The following CPVL variants were observed in gnomAD, a reference collection of about 807,000 sequenced individuals.
The protein encoded by CPVL is carboxypeptidase vitellogenic like, also known as probable serine carboxypeptidase CPVL.
A neutral mutation model predicts 63.7 loss-of-function variants in CPVL; 51 were observed. The ratio of observed to expected loss-of-function variants is 0.80; its 90% CI spans 0.64 to 1.01. The LOEUF is 1.01. Among genes scored for constraint, CPVL ranks in the 50% least tolerant of loss-of-function variants. CPVL has a pLI of 0.00. For missense variants in CPVL, 530 were observed against 573.1 expected (o/e 0.92, Z 0.77); for synonymous variants, 195 against 206.0 (o/e 0.95, Z 0.46).
intron 11 of CPVL, among the ~76,000 whole-genome samples, chr7:29,037,410 G>A (rs1788635552): frequency 6.6e-6 from 1 of 151,630 alleles, no homozygotes; most frequent in Admixed American, 6.6e-5. Flanking sequence ...AAAATTAGCC[G>A]GGCATGGTGG....
At chr7:29,189,053 C>A (rs981579493) in intron 1 of CPVL, among the ~76,000 whole-genome samples, 1 of 150,968 alleles carries the variant, frequency 6.6e-6, no homozygotes. Flanking sequence ...TGGGTTCAAG[C>A]AATTCTCCTG....
intron 11 of CPVL, among the ~76,000 whole-genome samples, chr7:29,051,600 A>T (rs1442045144): frequency 1.3e-5 from 2 of 152,138 alleles, no homozygotes; most frequent in African/African-American, 4.8e-5. Context: ...AAAACAGTAG[A>T]TGTTAGCGTG....
At chr7:29,057,735 T>C (rs563030730) in intron 11 of CPVL, among the ~76,000 whole-genome samples, 50 of 152,230 alleles carry the variant, frequency 3.3e-4, no homozygotes, top group Non-Finnish European at 5.9e-4. Context: ...TATCCATTTG[T>C]TCCTGCACCA....
At chr7:29,186,992 A>G (rs1429415187) in intron 1 of CPVL, among the ~76,000 whole-genome samples, 1 of 152,232 alleles carries the variant, frequency 6.6e-6, no homozygotes, top group Non-Finnish European at 1.5e-5. Flanking sequence ...AATGAGGATA[A>G]CAATTCTCAC....
At chr7:29,027,900 T>C (rs1428542004) in intron 12 of CPVL, among the ~76,000 whole-genome samples, 1 of 152,144 alleles carries the variant, frequency 6.6e-6, no homozygotes. Context: ...ATGATCATAC[T>C]GAATAAAGCA....
In CPVL at chr7:28,995,816, T is replaced by G. The variant is rs746123081; in HGVS notation, c.1387A>C (p.Asn463His). 3 of 1,608,490 alleles carry G rather than the reference T, an allele frequency of 1.9e-6. No homozygotes were observed. Among genetic ancestry groups the G allele is most frequent in the Non-Finnish European group, 2.5e-6 (3 of 1,178,334 alleles). The change falls in exon 13 of 13, where the codon AAT (asparagine) becomes CAT (histidine). Residue 463 changes from asparagine (N) to histidine (H), a missense_variant. Coordinates refer to ENST00000265394, the MANE Select transcript of CPVL (RefSeq NM_031311.5). ...DQPLRAFDMI[N>H]RFIYGKGWDP... is the part of the protein sequence containing the mutation. The stretch of plus-strand genomic sequence containing the variant: ...CATCCTTTTCCATAAATGAATCGAT[T>G]AATCATGTCAAAAGCTCTCAGAGGC...
chr7:29,084,165 T>G (rs1325596359), intron 7 of CPVL, among the ~76,000 whole-genome samples: 1 of 152,150 alleles, frequency 6.6e-6, no homozygotes, highest in East Asian at 1.9e-4. Context: ...CTCAATGGTT[T>G]CCCATTACCG....
At chr7:29,137,669 T>C (rs909651192) in intron 1 of CPVL, among the ~76,000 whole-genome samples, 2 of 152,170 alleles carry the variant, frequency 1.3e-5, no homozygotes, top group African/African-American at 2.4e-5. Flanking sequence ...AAGAAAATGA[T>C]TTGGGGTCTG....
At chr7:29,135,233 TGAA>T (rs1188200371) in intron 1 of CPVL, among the ~76,000 whole-genome samples, 4 of 151,808 alleles carry the variant, frequency 2.6e-5, no homozygotes, top group Admixed American at 2.0e-4. Flanking sequence ...AATGAAAAGA[TGAA>T]GAACACATTT....
At chr7:29,142,728 G>A (rs1792033817) in intron 1 of CPVL, among the ~76,000 whole-genome samples, 2 of 151,936 alleles carry the variant, frequency 1.3e-5, no homozygotes, top group Non-Finnish European at 2.9e-5. Context: ...GTTTCACCAT[G>A]TTGGCCAGGC....
Position 29,075,956 on chromosome 7 carries a change from G to GTTTTTTTTTTTT in CPVL, c.610-3545_610-3534dup, listed in dbSNP as rs1554335832. Among the ~76,000 whole-genome samples the GTTTTTTTTTTTT allele has an allele frequency of 1.1e-3, 119 of 110,292 alleles. 5 individuals are homozygous for GTTTTTTTTTTTT. Among genetic ancestry groups the GTTTTTTTTTTTT allele is most frequent in the Non-Finnish European group, 1.7e-3 (96 of 57,306 alleles). The allele number at this position is 110,292 out of a possible 152,430, so 72.4% of individuals were successfully genotyped here. A position where few individuals can be genotyped will look rare whatever the true frequency, so the allele number is the denominator to read the frequency against. On this transcript the variant is annotated intron_variant, in intron 7 of 12. Coordinates refer to ENST00000265394, the MANE Select transcript of CPVL (RefSeq NM_031311.5). ...TATTTTCACTCTCCTTGTTGAGATA[G>GTTTTTTTTTTTT]TTTTTTTTTTTTTGGCAAGATCAGA...
At chr7:29,145,370 A>G (rs1233221254) in intron 1 of CPVL, among the ~76,000 whole-genome samples, 1 of 152,000 alleles carries the variant, frequency 6.6e-6, no homozygotes, top group African/African-American at 2.4e-5. Context: ...GCTGTGGAAG[A>G]TAAGTTACGT....
chr7:29,064,259 C>T (rs1584145934), intron 10 of CPVL, 25 bp from the exon 11 acceptor site: 2 of 1,480,508 alleles, frequency 1.4e-6, no homozygotes, highest in Non-Finnish European at 9.4e-7. Context: ...ATTGGAAAGA[C>T]ATAGGGAACA....
At chr7:29,138,586 C>T (rs1006449073) in intron 1 of CPVL, among the ~76,000 whole-genome samples, 6 of 152,032 alleles carry the variant, frequency 3.9e-5, no homozygotes, top group Admixed American at 2.0e-4. Flanking sequence ...TGCCATTAAC[C>T]GAGAAAGAGA....
chr7:29,114,525 G>A (rs1029628027), intron 2 of CPVL, among the ~76,000 whole-genome samples: 18 of 152,214 alleles, frequency 1.2e-4, no homozygotes, highest in Admixed American at 9.2e-4. Flanking sequence ...AGCAACTCGG[G>A]AGGCTGAGGT....
At chr7:29,007,623 G>C (rs1264363473) in intron 12 of CPVL, among the ~76,000 whole-genome samples, 4 of 152,136 alleles carry the variant, frequency 2.6e-5, no homozygotes, top group African/African-American at 9.7e-5. Flanking sequence ...AAACAGTGTA[G>C]TCTTTAGTTT....
chr7:29,009,289 A>G (rs905420549), intron 12 of CPVL: 11 of 152,008 alleles, frequency 7.2e-5, no homozygotes, highest in African/African-American at 2.4e-4. Flanking sequence ...CTTTAATTTA[A>G]TAAGCTCAGG....
At chr7:29,013,274 G>T (rs1210068470) in intron 12 of CPVL, 2 of 152,190 alleles carry the variant, frequency 1.3e-5, no homozygotes, top group African/African-American at 4.8e-5. Flanking sequence ...AGCTGCACAT[G>T]TGACCTCAGC....
intron 7 of CPVL, 91 bp from the exon 8 acceptor site, chr7:29,072,514 C>G (rs1054840268): frequency 7.1e-7 from 1 of 1,415,972 alleles, no homozygotes; most frequent in African/African-American, 1.4e-5. Flanking sequence ...AATGAAGGAG[C>G]AATCTTTCCA....
Sources: gnomAD v4.1 joint callset for allele counts (sites outside exome capture counted in the v4.1 genomes callset) on GRCh38, gnomAD v4.1.1 for gene constraint, MANE v1.5 for transcripts, NCBI Gene and HGNC (gene_info 2026-07-23, HGNC 2026-07-21) for gene names.